RSL1D1: variants seen among roughly 807,000 people sequenced by gnomAD.
RSL1D1 encodes ribosomal L1 domain containing 1, also known as ribosomal L1 domain-containing protein 1.
In RSL1D1, 34 loss-of-function variants were observed where a neutral mutation model predicts 44.6. The ratio of observed to expected loss-of-function variants is 0.76; its 90% CI spans 0.58 to 1.02. The LOEUF (loss-of-function observed/expected upper bound fraction) is 1.02, where lower values mean the gene tolerates loss of function less well. Ranked by LOEUF, RSL1D1 falls within the 50% of genes least tolerant of loss-of-function variation. The pLI is 0.00. For synonymous variants in RSL1D1, 271 were observed against 207.4 expected (o/e 1.31, Z -2.63); for missense variants, 767 against 568.1 (o/e 1.35, Z -3.56).
At chr16:11,840,094 C>T in intron 7 of RSL1D1, 109 bp from the exon 8 acceptor site, 1 of 1,488,838 alleles carries the variant, frequency 6.7e-7, no homozygotes, top group Non-Finnish European at 8.9e-7. Context: ...CCTAAATGGA[C>T]CTCGATCTAT....
chr16:11,844,191 G>C (rs1481814547), intron 5 of RSL1D1, among the ~76,000 whole-genome samples: 1 of 152,182 alleles, frequency 6.6e-6, no homozygotes, highest in African/African-American at 2.4e-5. Flanking sequence ...ATGGAAAGAT[G>C]GTGGGGGGGA....
intron 8 of RSL1D1, 112 bp downstream of exon 8, chr16:11,839,582 AG>A: frequency 7.1e-7 from 1 of 1,399,322 alleles, no homozygotes; most frequent in South Asian, 1.4e-5. Flanking sequence ...CCACCTTCAC[AG>A]TTCTTTGGGT....
intron 8 of RSL1D1, among the ~76,000 whole-genome samples, chr16:11,839,402 A>G (rs2141250537): frequency 6.8e-6 from 1 of 146,792 alleles, no homozygotes; most frequent in African/African-American, 2.5e-5. Flanking sequence ...AAAAAAGCCA[A>G]CCGGTTGGGA....
At chr16:11,845,480 A>T (rs991808976) in intron 5 of RSL1D1, among the ~76,000 whole-genome samples, 1 of 152,214 alleles carries the variant, frequency 6.6e-6, no homozygotes, top group Non-Finnish European at 1.5e-5. Context: ...CCAAGCATTC[A>T]TCTTACTCTC....
rs1279464812 is a variant in RSL1D1, at chr16:11,846,545, AC to A, written c.590del (p.Cys197LeufsTer2). The A allele has an allele frequency of 6.2e-7, 1 of 1,606,872 alleles. No homozygotes were observed. ...SKNLSREIND[C>X]IGGTVLNISK... ...AAATGTTTAAGACTGTTCCACCTATACAGTCATTGATCTCTCTTGATAAATT... is the reference window on the plus strand; with the variant it reads ...AAATGTTTAAGACTGTTCCACCTATAAGTCATTGATCTCTCTTGATAAATT... On this transcript the variant is annotated frameshift_variant, in exon 5 of 9. Coordinates refer to ENST00000571133, the MANE Select transcript of RSL1D1 (RefSeq NM_015659.3). LOFTEE classifies it high-confidence loss of function.
rs139258892 is a variant in RSL1D1, at chr16:11,849,891, G to A, written c.245+388C>T. ...TTTTGAGACAGAGTCTTGCTCTGTC[G>A]CCTAGGCTGGAGTGCAATGGAGACA... On this transcript the variant is annotated intron_variant, in intron 2 of 8. Transcript: ENST00000571133. 9.6e-3 allele frequency among the ~76,000 whole-genome samples: 1,451 copies of A among 151,582 alleles called. 17 individuals are homozygous for A. Among genetic ancestry groups the A allele is most frequent in the Middle Eastern group, 0.017 (5 of 294 alleles).
chr16:11,846,592 A>G lies in RSL1D1; in HGVS notation c.544T>C (p.Ser182Pro), dbSNP rs1467541779. ...AAATTCTTGGACAGAAGGTTTACAGATACTGGAACTCTACAAAATAAACAC... is the reference window on the plus strand; with the variant it reads ...AAATTCTTGGACAGAAGGTTTACAGGTACTGGAACTCTACAAAATAAACAC... ...HFYQRKKVPVSVNLLSKNLSR... is the reference protein window; with the variant it reads ...HFYQRKKVPVPVNLLSKNLSR... Residue 182 changes from serine to proline, a missense_variant, in exon 5 of 9, where the codon TCT becomes CCT. Coordinates refer to ENST00000571133, the MANE Select transcript of RSL1D1 (RefSeq NM_015659.3). The G allele has an allele frequency of 6.8e-6, 11 of 1,609,470 alleles. No individual in the cohort carries two copies. Among genetic ancestry groups the G allele is most frequent in the Admixed American group, 1.7e-5 (1 of 59,514 alleles).
chr16:11,843,959 A>T (rs1447073008), intron 5 of RSL1D1, among the ~76,000 whole-genome samples: 1 of 151,354 alleles, frequency 6.6e-6, no homozygotes, highest in Middle Eastern at 3.2e-3. Context: ...CCATCCCTTC[A>T]GGTGAAACAG....
At chr16:11,850,577 C>A (rs1364390192) in intron 1 of RSL1D1, among the ~76,000 whole-genome samples, 159 bp from the exon 2 acceptor site, 1 of 152,234 alleles carries the variant, frequency 6.6e-6, no homozygotes, top group Middle Eastern at 3.4e-3. Context: ...ATAACCGTAT[C>A]TATTAGGATC....
Position 11,846,857 on chromosome 16 carries a change from AG to A in RSL1D1, c.385-15del, listed in dbSNP as rs762035289. ...GAGGGAGATAATCTAGGAAGTATAG[AG>A]AAGAATAAAAACAAGAAGTTAGGAA... On this transcript the variant is annotated splice_polypyrimidine_tract_variant and intron_variant, in intron 3 of 8. Coordinates refer to ENST00000571133, the MANE Select transcript of RSL1D1 (RefSeq NM_015659.3). 11 of 1,579,488 alleles carry A rather than the reference AG, an allele frequency of 7.0e-6. No homozygotes were observed. The African/African-American group carries it at 9.5e-5, about 14-fold the overall frequency.
chr16:11,847,356 C>A (rs1011120083), intron 3 of RSL1D1, among the ~76,000 whole-genome samples: 1 of 152,070 alleles, frequency 6.6e-6, no homozygotes, highest in East Asian at 1.9e-4. Context: ...GCCTGGGCGA[C>A]AGAGCGAGAC....
intron 5 of RSL1D1, among the ~76,000 whole-genome samples, chr16:11,846,026 C>T (rs1184958863): frequency 3.3e-5 from 5 of 151,774 alleles, no homozygotes; most frequent in African/African-American, 7.3e-5. Flanking sequence ...AGCCACTGCA[C>T]CTGACCCGAG....
intron 6 of RSL1D1, 33 bp downstream of exon 6, chr16:11,841,874 G>GAAACA: frequency 6.2e-7 from 1 of 1,611,348 alleles, no homozygotes. Flanking sequence ...TCTTTTAAAT[G>GAAACA]AACAATCAAT....
At chr16:11,848,787 T>C (rs2053816161) in intron 2 of RSL1D1, among the ~76,000 whole-genome samples, 1 of 148,952 alleles carries the variant, frequency 6.7e-6, no homozygotes, top group Admixed American at 6.9e-5. Context: ...GCCACCACAC[T>C]CAGCCAACAT....
intron 3 of RSL1D1, among the ~76,000 whole-genome samples, chr16:11,847,176 G>A (rs2053804881): frequency 6.6e-6 from 1 of 152,118 alleles, no homozygotes; most frequent in African/African-American, 2.4e-5. Flanking sequence ...AGGAATTCAA[G>A]ACCAGCCTGG....
At chr16:11,842,109 T>C in intron 5 of RSL1D1, 109 bp from the exon 6 acceptor site, 2 of 812,630 alleles carry the variant, frequency 2.5e-6, no homozygotes, top group Non-Finnish European at 3.8e-6. Context: ...TTTCTTTTTC[T>C]TTTAAAAAGG....
At position 11,847,736 on chromosome 16, in the gene RSL1D1, T is replaced by C; in HGVS notation, c.316A>G (p.Thr106Ala). Residue 106 changes from threonine to alanine, a missense_variant, in exon 3 of 9, where the codon ACT (threonine) becomes GCT (alanine). Coordinates refer to ENST00000571133, the MANE Select transcript of RSL1D1 (RefSeq NM_015659.3). ...CLFTKDEPNS[T>A]PEKTEQFYRK... ...TAAAACTGTTCTGTCTTTTCAGGAG[T>C]TGAATTGGGTTCATCCTTCGTAAAT... The C allele has an allele frequency of 6.2e-7, 1 of 1,612,818 alleles. No homozygotes were observed.
chr16:11,841,700 TC>T lies in RSL1D1; in HGVS notation c.849del (p.Glu286ArgfsTer45). The T allele has an allele frequency of 6.2e-7, 1 of 1,610,494 alleles. No homozygotes were observed. On this transcript the variant is annotated frameshift_variant, in exon 7 of 9. Coordinates refer to ENST00000571133, the MANE Select transcript of RSL1D1 (RefSeq NM_015659.3). LOFTEE classifies it high-confidence loss of function. ...EATKRSLLNK[K>X]KKEARRKRRE... ...GTATTTAAAATTCTACTAACTTTTT[TC>T]TTCTTATTAAGCAAAGATCTTTTGG...
intron 2 of RSL1D1, 77 bp from the exon 3 acceptor site, chr16:11,847,883 G>A (rs1039039246): frequency 6.5e-6 from 9 of 1,393,094 alleles, no homozygotes; most frequent in Admixed American, 2.0e-5. Flanking sequence ...CAGAATACGC[G>A]ATAAACTTAG....
Sources: allele counts gnomAD v4.1 joint callset (sites outside exome capture counted in the v4.1 genomes callset), GRCh38; gene constraint gnomAD v4.1.1; transcripts MANE v1.5; gene names NCBI Gene and HGNC (gene_info 2026-07-23, HGNC 2026-07-21).